TRMT9B: variants seen among roughly 807,000 people sequenced by gnomAD.
The protein encoded by TRMT9B is tRNA methyltransferase 9B (putative).
In TRMT9B, 16 loss-of-function variants were observed where a neutral mutation model predicts 11.5. The ratio of observed to expected loss-of-function variants is 1.39; its 90% CI spans 0.94 to 2.11. TRMT9B has a LOEUF of 2.11. TRMT9B is among the 30% of genes most tolerant of loss of function. The pLI is 0.00. For synonymous variants in TRMT9B, 274 were observed against 192.4 expected, an observed-to-expected ratio of 1.42 and a Z score of -3.51; for missense variants, 941 against 553.8, an observed-to-expected ratio of 1.70 and a Z score of -7.02.
At chr8:12,979,604 C>G (rs1448743566) in intron 1 of TRMT9B, among the ~76,000 whole-genome samples, 1 of 152,162 alleles carries the variant, frequency 6.6e-6, no homozygotes, top group Admixed American at 6.5e-5. Context: ...TGTTAACTCC[C>G]AAAGCCTTGC....
chr8:13,006,678 A>C, intron 3 of TRMT9B: 1 of 1,340,944 alleles, frequency 7.5e-7, no homozygotes, highest in Non-Finnish European at 9.6e-7. Context: ...TTTTATTTTT[A>C]TTCTTTTGAG....
chr8:12,976,010 G>C (rs909821639), intron 1 of TRMT9B, among the ~76,000 whole-genome samples: 1 of 152,180 alleles, frequency 6.6e-6, no homozygotes, highest in African/African-American at 2.4e-5. Flanking sequence ...AAACTGACTC[G>C]TGATCTTTGG....
At chr8:13,006,080 G>T in intron 2 of TRMT9B, 122 bp from the exon 3 acceptor site, 1 of 847,434 alleles carries the variant, frequency 1.2e-6, no homozygotes, top group Non-Finnish European at 1.8e-6. Flanking sequence ...TTATAAGAAA[G>T]TGTGCAAACA....
chr8:13,002,663 A>G (rs1271250467), intron 2 of TRMT9B, among the ~76,000 whole-genome samples: 1 of 152,224 alleles, frequency 6.6e-6, no homozygotes, highest in African/African-American at 2.4e-5. Context: ...GGAAGGAATG[A>G]TGGAATTATA....
intron 3 of TRMT9B, among the ~76,000 whole-genome samples, chr8:13,008,051 G>C (rs1215125840): frequency 2.0e-5 from 3 of 152,164 alleles, no homozygotes; most frequent in African/African-American, 7.2e-5. Flanking sequence ...GTTTTTAGGG[G>C]AAATGTTGGA....
chr8:12,983,759 T>C (rs960736521), intron 1 of TRMT9B, among the ~76,000 whole-genome samples: 3 of 152,318 alleles, frequency 2.0e-5, no homozygotes, highest in Middle Eastern at 3.4e-3. Flanking sequence ...CTTCTGATGT[T>C]GCTTCTTGCC....
At chr8:13,014,106 G>C (rs894542963) in intron 4 of TRMT9B, among the ~76,000 whole-genome samples, 2 of 152,096 alleles carry the variant, frequency 1.3e-5, no homozygotes, top group African/African-American at 4.8e-5. Flanking sequence ...CATTAGGTGG[G>C]GACTATTTCT....
rs74731910 is a variant in TRMT9B at position 12,952,395 on chromosome 8, C to G, written c.-200+6429C>G. On this transcript the variant is annotated intron_variant, in intron 1 of 4. Coordinates refer to ENST00000524591, the MANE Select transcript of TRMT9B (RefSeq NM_020844.3). Reference sequence around the variant, plus strand: ...CTCGTCCCCTGCCTTTCCAGTAGCCCGGGGTGGCTGTTTACCTTGCAAACA... The same window carrying G: ...CTCGTCCCCTGCCTTTCCAGTAGCCGGGGGTGGCTGTTTACCTTGCAAACA... The G allele has an allele frequency of 4.9e-3, 1,518 of 306,868 alleles. 25 individuals carry two copies. The highest frequency in any genetic ancestry group is 0.03 in the African/African-American group (1,349 of 44,414). 19.0% of individuals were successfully genotyped at this position (306,868 alleles called of 1,614,324 possible). A position where few individuals can be genotyped will look rare whatever the true frequency, so the allele number is the denominator to read the frequency against.
chr8:13,006,917 T>A (rs1307721976), intron 3 of TRMT9B: 1 of 159,220 alleles, frequency 6.3e-6, no homozygotes, highest in African/African-American at 2.4e-5. Flanking sequence ...GATCCATCTG[T>A]CTCGGCTTCC....
chr8:13,019,713 G>T (rs954255834), intron 4 of TRMT9B, among the ~76,000 whole-genome samples: 4 of 152,212 alleles, frequency 2.6e-5, no homozygotes, highest in African/African-American at 9.6e-5. Context: ...TCTACTTCTA[G>T]AAAGGTATGC....
chr8:12,977,679 G>A lies in TRMT9B; in HGVS notation c.-199-13155G>A, dbSNP rs1804677266. ...TCACGCAACTGCATTCCAGCCTTGT[G>A]ACAGAGCAAGACTCTGTCTCAAAAA... is the stretch of plus-strand genomic sequence containing the variant. On this transcript the variant is annotated intron_variant, in intron 1 of 4. Coordinates refer to ENST00000524591, the MANE Select transcript of TRMT9B (RefSeq NM_020844.3). 4.6e-5 allele frequency among the ~76,000 whole-genome samples: 7 copies of A among 151,932 alleles called. 1 individual carries two copies.
Position 13,024,000 on chromosome 8 carries a change from AGT to A in TRMT9B, c.*1958_*1959del, listed in dbSNP as rs1056062324. The A allele has an allele frequency of 1.2e-5, 2 of 165,896 alleles. No homozygotes were observed. The highest frequency in any genetic ancestry group is 4.9e-5 in the African/African-American group (2 of 41,114). 10.3% of individuals were successfully genotyped at this position (165,896 alleles called of 1,614,324 possible). A position where few individuals can be genotyped will look rare whatever the true frequency, so the allele number is the denominator to read the frequency against. The stretch of plus-strand genomic sequence containing the variant: ...TAGTGGATGATTGAAAACATATATA[AGT>A]GGAGTATAAATTAAAAATTAATTTG... On this transcript the variant is annotated 3_prime_UTR_variant, in exon 5 of 5. Coordinates refer to ENST00000524591, the MANE Select transcript of TRMT9B (RefSeq NM_020844.3).
At chr8:13,019,615 A>T (rs571059119) in intron 4 of TRMT9B, among the ~76,000 whole-genome samples, 31 of 152,194 alleles carry the variant, frequency 2.0e-4, no homozygotes, top group Admixed American at 3.9e-4. Context: ...AATGGCCCTT[A>T]GTAACCGTGG....
chr8:12,981,680 G>A (rs1805416785), intron 1 of TRMT9B, among the ~76,000 whole-genome samples: 1 of 151,798 alleles, frequency 6.6e-6, no homozygotes, highest in Admixed American at 6.6e-5. Flanking sequence ...CCTCACTGCA[G>A]CCTCAACCTC....
In TRMT9B at chr8:13,027,984, C is replaced by G. The variant is rs1173069647; in HGVS notation, c.*5940C>G. ...GCAAACATTTAAAAAGATCTCTCAC[C>G]AAACAAGGATTGAAATTGTATTGCA... On this transcript the variant is annotated 3_prime_UTR_variant, in exon 5 of 5. Transcript: ENST00000524591. 1 of 166,874 alleles carries G rather than the reference C, an allele frequency of 6.0e-6. No homozygotes were observed. Among genetic ancestry groups the G allele is most frequent in the African/African-American group, 2.4e-5 (1 of 41,418 alleles). 10.3% of individuals were successfully genotyped at this position (166,874 alleles called of 1,614,324 possible).
At chr8:13,019,376 C>T (rs1161376471) in intron 4 of TRMT9B, among the ~76,000 whole-genome samples, 2 of 152,212 alleles carry the variant, frequency 1.3e-5, no homozygotes, top group African/African-American at 2.4e-5. Context: ...ACTGCAAACT[C>T]GACCTCCCTG....
intron 1 of TRMT9B, among the ~76,000 whole-genome samples, chr8:12,947,235 C>T (rs1165510678): frequency 2.0e-5 from 3 of 152,208 alleles, no homozygotes; most frequent in Non-Finnish European, 4.4e-5. Context: ...TCCTAAAGAT[C>T]AGTCTGAGAG....
intron 4 of TRMT9B, among the ~76,000 whole-genome samples, chr8:13,014,477 G>C (rs1432915659): frequency 1.3e-5 from 2 of 152,056 alleles, no homozygotes; most frequent in African/African-American, 4.8e-5. Context: ...AAGAAGAAGG[G>C]GAGAATGAGA....
At position 13,012,730 on chromosome 8, in the gene TRMT9B, C is replaced by T. The variant is rs764475691; in HGVS notation, c.201C>T (p.Thr67=). 32 of 1,613,772 alleles carry T rather than the reference C, an allele frequency of 2.0e-5. No homozygotes were observed. The Middle Eastern group carries it at 4.9e-4, about 25-fold the overall frequency. The change falls in exon 4 of 5, where the codon ACC becomes ACT. Residue 67 remains threonine, a synonymous_variant. Transcript: ENST00000524591. ...KYLKVNSQVH[T]VGCDYCGPLV... ...TTAAAGTGAACAGCCAGGTACATAC[C>T]GTGGGCTGTGACTACTGTGGGCCAC...
Sources: gnomAD v4.1 joint callset for allele counts (sites outside exome capture counted in the v4.1 genomes callset) on GRCh38, gnomAD v4.1.1 for gene constraint, MANE v1.5 for transcripts, NCBI Gene and HGNC (gene_info 2026-07-23, HGNC 2026-07-21) for gene names.